Variants in JPH2 observed in about 807,000 individuals in gnomAD.
JPH2 encodes junctophilin 2.
Under a neutral mutation model 55.9 loss-of-function variants are expected in JPH2, and 38 were observed. The observed-to-expected ratio is 0.68, with a 90% CI of 0.52 to 0.89. JPH2 has a LOEUF of 0.89. Among genes scored for constraint, JPH2 ranks in the 40% least tolerant of loss-of-function variants. The pLI is 0.00. For synonymous variants in JPH2, 480 were observed against 472.4 expected (o/e 1.02, Z -0.21); for missense variants, 964 against 1,037.6 (o/e 0.93, Z 0.97).
chr20:44,111,825 C>CA lies in JPH2; in HGVS notation c.*1692dup, dbSNP rs71337853. 0.11 allele frequency: 16,367 copies of CA among 148,494 alleles called. 982 individuals carry two copies. Among genetic ancestry groups the CA allele is most frequent in the Non-Finnish European group, 0.13 (8,736 of 67,080 alleles). The allele number at this position is 148,494 out of a possible 1,614,324, so 9.2% of individuals were successfully genotyped here. A position where few individuals can be genotyped will look rare whatever the true frequency, so the allele number is the denominator to read the frequency against. ...GCACAGGCTTGTCCCCAGCACCAGC[C>CA]AAAAAAAAACAACAGAAAAAAAACA... On this transcript the variant is annotated 3_prime_UTR_variant, in exon 6 of 6. Transcript: ENST00000372980.
At position 44,145,229 on chromosome 20, in the gene JPH2, G is replaced by C. The variant is rs561840234; in HGVS notation, c.1169+14389C>G. On this transcript the variant is annotated intron_variant, in intron 2 of 5. Coordinates refer to ENST00000372980, the MANE Select transcript of JPH2 (RefSeq NM_020433.5). The stretch of plus-strand genomic sequence containing the variant: ...CTGGTCTCACTGTGGGGAAACACTT[G>C]CATCTGTGGGAGAGGGAGATTTTTC... Among the ~76,000 whole-genome samples the C allele has an allele frequency of 1.9e-4, 29 of 152,336 alleles. No homozygotes were observed. The South Asian group carries it at 5.6e-3, about 29-fold the overall frequency.
chr20:44,156,440 G>T (rs2072567201), intron 2 of JPH2, among the ~76,000 whole-genome samples: 1 of 152,166 alleles, frequency 6.6e-6, no homozygotes. Flanking sequence ...TGAGCACCTG[G>T]TCATAAGCCT....
chr20:44,177,513 G>C (rs2072744322), intron 1 of JPH2: 3 of 1,034,742 alleles, frequency 2.9e-6, no homozygotes, highest in African/African-American at 3.4e-5. Flanking sequence ...CCGCTTTTCT[G>C]TTCTGCTAAG....
intron 1 of JPH2, among the ~76,000 whole-genome samples, chr20:44,175,113 T>C (rs6124628): frequency 0.85 from 129,208 of 151,856 alleles, 55,006 homozygotes; most frequent in African/African-American, 0.87. Context: ...CAGGGTAACT[T>C]CTGTTAATGA....
At chr20:44,170,638 G>C (rs1481058179) in intron 1 of JPH2, among the ~76,000 whole-genome samples, 3 of 152,166 alleles carry the variant, frequency 2.0e-5, no homozygotes, top group Non-Finnish European at 4.4e-5. Flanking sequence ...CTCATAGCTT[G>C]GCTCTAACCC....
At chr20:44,138,242 G>A (rs1258830161) in intron 2 of JPH2, among the ~76,000 whole-genome samples, 3 of 151,544 alleles carry the variant, frequency 2.0e-5, no homozygotes, top group South Asian at 2.1e-4. Context: ...TCCTGACCTC[G>A]TGATCTGCCC....
At chr20:44,145,333 G>A (rs538178041) in intron 2 of JPH2, among the ~76,000 whole-genome samples, 23 of 152,256 alleles carry the variant, frequency 1.5e-4, no homozygotes, top group African/African-American at 5.3e-4. Context: ...GACCAGGCGC[G>A]GTGGCCCATG....
intron 1 of JPH2, among the ~76,000 whole-genome samples, chr20:44,174,243 T>A (rs934402235): frequency 6.6e-6 from 1 of 152,142 alleles, no homozygotes; most frequent in African/African-American, 2.4e-5. Flanking sequence ...CAGGAGTAGC[T>A]CAGCTGGGAC....
rs6103655 is a variant in JPH2 at position 44,149,427 on chromosome 20, G to A, written c.1169+10191C>T. The stretch of plus-strand genomic sequence containing the variant: ...TATAGCACACATATATGATTTCTCC[G>A]CCTGCATAATATTTGTCGTGTGTGT... On this transcript the variant is annotated intron_variant, in intron 2 of 5. Transcript: ENST00000372980. 9.8e-3 allele frequency among the ~76,000 whole-genome samples: 1,489 copies of A among 152,334 alleles called. 14 individuals are homozygous for A. The highest frequency in any genetic ancestry group is 0.014 in the African/African-American group (600 of 41,578).
At position 44,159,956 on chromosome 20, in the gene JPH2, TGCGGCCTCGTCGGCGCCCTCG is replaced by T. The variant is rs1308789253; in HGVS notation, c.810_830del (p.Glu271_Ala277del). ...TGGCGTCGATATCGGCCTCGAAGGG[TGCGGCCTCGTCGGCGCCCTCG>T]GCGGCCTCTCCCAGGCTGGCGGTGG... is the stretch of plus-strand genomic sequence containing the variant. On this transcript the variant is annotated inframe_deletion, in exon 2 of 6. Transcript: ENST00000372980. The surrounding 1 kb of genome is among the most constrained non-coding windows in gnomAD (Gnocchi z 5.7). The T allele has an allele frequency of 3.7e-6, 6 of 1,603,608 alleles. No individual in the cohort carries two copies. In the East Asian group the frequency reaches 6.7e-5, roughly 18 times the overall value.
intron 2 of JPH2, among the ~76,000 whole-genome samples, chr20:44,147,369 G>A (rs2072500453): frequency 6.6e-6 from 1 of 152,168 alleles, no homozygotes; most frequent in South Asian, 2.1e-4. Flanking sequence ...AAAGAGATCT[G>A]GTTCAATGAA....
chr20:44,162,027 C>T (rs1230293060), intron 1 of JPH2, among the ~76,000 whole-genome samples: 1 of 152,208 alleles, frequency 6.6e-6, no homozygotes, highest in African/African-American at 2.4e-5. Flanking sequence ...TTTCCCACAG[C>T]AGTGCTGCTG....
intron 1 of JPH2, among the ~76,000 whole-genome samples, chr20:44,175,412 T>C (rs962457778): frequency 6.6e-6 from 1 of 152,244 alleles, no homozygotes; most frequent in Non-Finnish European, 1.5e-5. Context: ...GCATTTAGAC[T>C]GCGTTACATT....
chr20:44,147,752 G>A (rs1426670858), intron 2 of JPH2, among the ~76,000 whole-genome samples: 1 of 152,250 alleles, frequency 6.6e-6, no homozygotes, highest in African/African-American at 2.4e-5. Context: ...AGAAAGGAAA[G>A]AGAAAGAAAC....
At chr20:44,178,822 C>T (rs2145896729) in intron 1 of JPH2, among the ~76,000 whole-genome samples, 1 of 152,288 alleles carries the variant, frequency 6.6e-6, no homozygotes, top group Non-Finnish European at 1.5e-5. Context: ...AAAAGATATT[C>T]TATTATGCAA....
At chr20:44,184,035 C>CTAT (rs375490327) in intron 1 of JPH2, among the ~76,000 whole-genome samples, 1 of 151,332 alleles carries the variant, frequency 6.6e-6, no homozygotes, top group South Asian at 2.1e-4. Flanking sequence ...TGGTGGGTGC[C>CTAT]TGTCCCAGCT....
chr20:44,151,482 A>C (rs1433817383), intron 2 of JPH2, among the ~76,000 whole-genome samples: 1 of 151,942 alleles, frequency 6.6e-6, no homozygotes, highest in Non-Finnish European at 1.5e-5. Context: ...ATGCCATTGC[A>C]CTCCAGTCTG....
rs1420667946 is a variant in JPH2, at chr20:44,127,520, C to T, written c.1170-8897G>A. Among the ~76,000 whole-genome samples, 7 of 148,900 alleles carry T rather than the reference C, an allele frequency of 4.7e-5. No homozygotes were observed. In the South Asian group the frequency reaches 8.5e-4, roughly 18 times the overall value. On this transcript the variant is annotated intron_variant, in intron 2 of 5. Coordinates refer to ENST00000372980, the MANE Select transcript of JPH2 (RefSeq NM_020433.5). Reference sequence around the variant, plus strand: ...TTTTTTTTGGAAACGGAGTCTCGCTCTGTCGCCCAGGCTGGAGTGCAGTGG... The same window carrying T: ...TTTTTTTTGGAAACGGAGTCTCGCTTTGTCGCCCAGGCTGGAGTGCAGTGG...
chr20:44,182,236 G>C (rs1033039546), intron 1 of JPH2, among the ~76,000 whole-genome samples: 1 of 152,180 alleles, frequency 6.6e-6, no homozygotes. Context: ...CGGGGCAAAG[G>C]GTGAGTGCAG....
Sources: allele counts gnomAD v4.1 joint callset (sites outside exome capture counted in the v4.1 genomes callset), GRCh38; gene constraint gnomAD v4.1.1; non-coding constraint Gnocchi (gnomAD v3.1); transcripts MANE v1.5; gene names NCBI Gene and HGNC (gene_info 2026-07-23, HGNC 2026-07-21).